TNRC6C: variants seen among roughly 807,000 people sequenced by gnomAD.
The protein encoded by TNRC6C is trinucleotide repeat containing adaptor 6C.
TNRC6C carries 20 observed loss-of-function variants against 153.7 expected under a neutral mutation model. The ratio of observed to expected loss-of-function variants is 0.13; its 90% CI spans 0.09 to 0.19. The LOEUF is 0.19. Among genes scored for constraint, TNRC6C ranks in the 10% least tolerant of loss-of-function variants. The probability of loss-of-function intolerance (pLI) is 1.00; values close to 1 mark genes in which losing one functional copy is unlikely to be tolerated. For missense variants in TNRC6C, 1,987 were observed against 2,172.0 expected (o/e 0.91, Z 1.69); for synonymous variants, 811 against 841.4 (o/e 0.96, Z 0.63).
intron 1 of TNRC6C, among the ~76,000 whole-genome samples, chr17:78,030,996 G>A (rs1210028557): frequency 6.6e-6 from 1 of 152,150 alleles, no homozygotes. Context: ...CTACTCTGGA[G>A]GCTGAGGCAG....
chr17:78,032,060 A>G (rs1168039316), intron 2 of TNRC6C, among the ~76,000 whole-genome samples: 1 of 152,206 alleles, frequency 6.6e-6, no homozygotes, highest in Non-Finnish European at 1.5e-5. Context: ...GGCATGAGCT[A>G]CTTCAGCTGA....
exon 3 of TNRC6C, chr17:78,048,922 A>G: frequency 7.9e-7 from 1 of 1,270,620 alleles, no homozygotes. Flanking sequence ...AAGCGAAGCC[A>G]ACTGCAGCTG....
intron 10 of TNRC6C, among the ~76,000 whole-genome samples, chr17:78,081,050 G>A (rs1007724033): frequency 1.3e-5 from 2 of 152,186 alleles, no homozygotes; most frequent in African/African-American, 2.4e-5. Context: ...TGGAGGCTGA[G>A]AAGTCCAAGA....
chr17:77,962,981 G>A (rs1486747252), intron 1 of TNRC6C, among the ~76,000 whole-genome samples: 1 of 152,176 alleles, frequency 6.6e-6, no homozygotes, highest in Admixed American at 6.5e-5. Flanking sequence ...TATTTTGTAG[G>A]GGGTAGATTG....
At chr17:78,078,950 G>C (rs182184891) in intron 9 of TNRC6C, among the ~76,000 whole-genome samples, 1 of 152,120 alleles carries the variant, frequency 6.6e-6, no homozygotes, top group Non-Finnish European at 1.5e-5. Context: ...AAATTTAGCC[G>C]GGTATGGTGG....
upstream of TNRC6C, among the ~76,000 whole-genome samples, chr17:77,999,759 C>T (rs1476885138): frequency 6.6e-6 from 1 of 152,178 alleles, no homozygotes; most frequent in Non-Finnish European, 1.5e-5. Context: ...GATTGGTATC[C>T]AGGCTTCCTC....
chr17:78,061,243 C>T lies in TNRC6C; in HGVS notation c.2396-3479C>T, dbSNP rs1362556295. Among the ~76,000 whole-genome samples the T allele has an allele frequency of 3.3e-5, 5 of 151,998 alleles. No homozygotes were observed. In the East Asian group the frequency reaches 9.6e-4, roughly 29 times the overall value. ...TTTAAATGTAAGAAATTTGTTCTAC[C>T]TCATCAATTCTAACTTTAAAAGAAT... On this transcript the variant is annotated intron_variant, in intron 3 of 19. Coordinates refer to ENST00000301624, the Ensembl canonical transcript of TNRC6C.
chr17:77,973,962 G>T (rs1439025803), intron 1 of TNRC6C, among the ~76,000 whole-genome samples: 1 of 141,942 alleles, frequency 7.0e-6, no homozygotes, highest in African/African-American at 2.6e-5. Context: ...GAAGGCTTTT[G>T]TTGTTGTTGT....
At chr17:78,021,494 T>A (rs2071830836) in intron 1 of TNRC6C, among the ~76,000 whole-genome samples, 1 of 152,246 alleles carries the variant, frequency 6.6e-6, no homozygotes, top group Non-Finnish European at 1.5e-5. Flanking sequence ...TCTTGATAAA[T>A]AGCATCATTT....
chr17:78,040,576 A>G (rs2072271621), intron 2 of TNRC6C, among the ~76,000 whole-genome samples: 1 of 152,182 alleles, frequency 6.6e-6, no homozygotes, highest in South Asian at 2.1e-4. Context: ...TTGTTTAGAA[A>G]AAGGGAGAAA....
intron 1 of TNRC6C, among the ~76,000 whole-genome samples, chr17:77,963,221 A>G (rs1232896184): frequency 6.6e-6 from 1 of 152,258 alleles, no homozygotes; most frequent in African/African-American, 2.4e-5. Flanking sequence ...AGAAATAACT[A>G]TATAACCTTG....
intron 1 of TNRC6C, among the ~76,000 whole-genome samples, chr17:77,959,529 A>C (rs1195719508): frequency 6.6e-6 from 1 of 152,248 alleles, no homozygotes; most frequent in East Asian, 1.9e-4. Flanking sequence ...GGAGGGCTGA[A>C]GATGGATGTG....
intron 18 of TNRC6C, 67 bp downstream of exon 21, chr17:78,102,611 A>C (rs1367163520): frequency 1.3e-6 from 2 of 1,488,402 alleles, no homozygotes; most frequent in Admixed American, 2.0e-5. Flanking sequence ...CCCCCAATGC[A>C]GATGAGGCTG....
At chr17:78,103,486 C>G in exon 19 of TNRC6C, 1 of 1,614,034 alleles carries the variant, frequency 6.2e-7, no homozygotes, top group Non-Finnish European at 8.5e-7. Context: ...GAATCTGACT[C>G]AAGGCAATGC....
chr17:78,073,113 T>G lies in TNRC6C; in HGVS notation c.2917+19T>G. The G allele has an allele frequency of 2.6e-6, 4 of 1,545,978 alleles. No homozygotes were observed. The Admixed American group carries it at 7.9e-5, about 31-fold the overall frequency. ...GCCATGAGTAAGTCATACAACATCC[T>G]TTTTAAAAAGGTACCCAGCTGTGAA... On this transcript the variant is annotated intron_variant, in intron 7 of 19. Transcript: ENST00000301624.
chr17:77,973,550 G>A (rs770149484), intron 1 of TNRC6C, among the ~76,000 whole-genome samples: 8 of 152,160 alleles, frequency 5.3e-5, no homozygotes, highest in South Asian at 2.1e-4. Flanking sequence ...CGGTGAAACC[G>A]TCCTTATCCA....
intron 1 of TNRC6C, among the ~76,000 whole-genome samples, chr17:77,999,016 T>A (rs1054960669): frequency 2.0e-5 from 3 of 152,220 alleles, no homozygotes; most frequent in African/African-American, 7.2e-5. Flanking sequence ...CTGGCCCACA[T>A]GTAGGAGTTA....
intron 11 of TNRC6C, among the ~76,000 whole-genome samples, chr17:78,084,538 G>T (rs1441387849): frequency 6.6e-6 from 1 of 151,908 alleles, no homozygotes; most frequent in Non-Finnish European, 1.5e-5. Context: ...ATGTGTCCTC[G>T]CTTTAATGGA....
intron 15 of TNRC6C, 119 bp downstream of exon 17, chr17:78,093,243 C>T (rs915491306): frequency 4.2e-5 from 48 of 1,152,372 alleles, no homozygotes; most frequent in Non-Finnish European, 5.4e-5. Flanking sequence ...AGCGTTAAGC[C>T]CAGAGCTTTG....
Sources: allele counts gnomAD v4.1 joint callset (sites outside exome capture counted in the v4.1 genomes callset), GRCh38; gene constraint gnomAD v4.1.1; transcripts MANE v1.5; gene names NCBI Gene and HGNC (gene_info 2026-07-23, HGNC 2026-07-21).